Variants in LRP1B observed in about 807,000 individuals in gnomAD.
LRP1B encodes the protein low-density lipoprotein receptor-related protein 1B.
A neutral mutation model predicts 556.6 loss-of-function variants in LRP1B; 217 were observed. The observed-to-expected ratio is 0.39, with a 90% CI of 0.35 to 0.44. LRP1B has a LOEUF of 0.44. Ranked by LOEUF, LRP1B falls within the 20% of genes least tolerant of loss-of-function variation. The pLI is 1.00. For missense variants in LRP1B, 5,053 were observed against 5,620.8 expected (o/e 0.90, Z 3.23); for synonymous variants, 2,047 against 1,865.8 (o/e 1.10, Z -2.50).
intron 3 of LRP1B, among the ~76,000 whole-genome samples, chr2:141,265,248 G>A (rs892392793): frequency 2.6e-5 from 4 of 152,148 alleles, no homozygotes; most frequent in Non-Finnish European, 5.9e-5. Context: ...CACACCCAGG[G>A]TGCCCTCTAT....
chr2:141,191,450 A>C (rs572594284), intron 6 of LRP1B, among the ~76,000 whole-genome samples: 35 of 152,076 alleles, frequency 2.3e-4, no homozygotes, highest in Non-Finnish European at 4.4e-4. Flanking sequence ...AGTAAGACTA[A>C]CATAGACATA....
intron 37 of LRP1B, among the ~76,000 whole-genome samples, chr2:140,705,800 T>C (rs1449212276): frequency 6.6e-6 from 1 of 152,154 alleles, no homozygotes; most frequent in Non-Finnish European, 1.5e-5. Flanking sequence ...TATCATTATA[T>C]GTGAAGCCAA....
At position 141,276,546 on chromosome 2, in the gene LRP1B, GGTTT is replaced by G. The variant is rs372809455; in HGVS notation, c.344-21909_344-21906del. 7.0e-4 allele frequency among the ~76,000 whole-genome samples: 107 copies of G among 152,054 alleles called. 1 individual carries two copies. The South Asian group carries it at 0.019, about 28-fold the overall frequency. On this transcript the variant is annotated intron_variant, in intron 3 of 90. Transcript: ENST00000389484. The stretch of plus-strand genomic sequence containing the variant: ...CCCATTTACTAGTGAGAACACATGG[GGTTT>G]GTTTTTCTGTTCCTGCATTAGTTTG...
chr2:141,309,427 T>G (rs73962901), intron 3 of LRP1B, among the ~76,000 whole-genome samples: 3,345 of 152,280 alleles, frequency 0.022, 117 homozygotes, highest in African/African-American at 0.077. Context: ...GACCAAAAAT[T>G]CATATGTTGA....
intron 27 of LRP1B, among the ~76,000 whole-genome samples, chr2:140,854,996 T>G (rs1187549601): frequency 6.6e-6 from 1 of 152,118 alleles, no homozygotes; most frequent in Non-Finnish European, 1.5e-5. Flanking sequence ...GCAGACTGGG[T>G]TCACTGATAG....
chr2:142,003,854 T>C (rs1702728228), intron 1 of LRP1B, among the ~76,000 whole-genome samples: 2 of 152,228 alleles, frequency 1.3e-5, no homozygotes, highest in Admixed American at 1.3e-4. Context: ...GGCTCTGCTC[T>C]GGAGGTAGAA....
chr2:140,274,070 T>C (rs1682572390), intron 85 of LRP1B, among the ~76,000 whole-genome samples: 1 of 152,032 alleles, frequency 6.6e-6, no homozygotes, highest in African/African-American at 2.4e-5. Context: ...ATAACAATGA[T>C]GAAACAATTA....
intron 2 of LRP1B, among the ~76,000 whole-genome samples, chr2:141,483,635 A>C (rs898617333): frequency 1.3e-5 from 2 of 151,552 alleles, no homozygotes; most frequent in African/African-American, 4.9e-5. Context: ...TTGTTTCCTG[A>C]CTTTTCAATG....
intron 86 of LRP1B, among the ~76,000 whole-genome samples, chr2:140,269,621 G>C (rs1682368977): frequency 6.6e-6 from 1 of 151,908 alleles, no homozygotes; most frequent in Admixed American, 6.6e-5. Flanking sequence ...TCACAACAGT[G>C]ACCATGTAAT....
chr2:142,042,089 A>T lies in LRP1B; in HGVS notation c.82+88559T>A, dbSNP rs192267292. ...TTTTTCTGTAGTTTTGTCAATAGTT[A>T]GTTTCTCCTGCATAATGTGTGCTGT... On this transcript the variant is annotated intron_variant, in intron 1 of 90. Transcript: ENST00000389484. Among the ~76,000 whole-genome samples, 38 of 151,516 alleles carry T rather than the reference A, an allele frequency of 2.5e-4. No homozygotes were observed. The East Asian group carries it at 7.0e-3, about 28-fold the overall frequency.
At chr2:140,745,909 T>C (rs1421429553) in intron 35 of LRP1B, among the ~76,000 whole-genome samples, 1 of 152,140 alleles carries the variant, frequency 6.6e-6, no homozygotes. Context: ...AGAAACAATA[T>C]GGTAAGGCGG....
At position 141,894,209 on chromosome 2, in the gene LRP1B, G is replaced by A. The variant is rs571855611; in HGVS notation, c.83-83808C>T. 1.4e-4 allele frequency among the ~76,000 whole-genome samples: 22 copies of A among 152,130 alleles called. No homozygotes were observed. The South Asian group carries it at 2.7e-3, about 19-fold the overall frequency. ...AGTGCCACATTCATGAAGGCAATTC[G>A]TTAACAGATATTAGGATTTATGCCT... On this transcript the variant is annotated intron_variant, in intron 1 of 90. Transcript: ENST00000389484.
At chr2:141,996,888 T>TTG (rs1559011476) in intron 1 of LRP1B, among the ~76,000 whole-genome samples, 1 of 152,194 alleles carries the variant, frequency 6.6e-6, no homozygotes, top group Non-Finnish European at 1.5e-5. Flanking sequence ...CTTCAGCTCT[T>TTG]TGCTATCTTG....
intron 1 of LRP1B, among the ~76,000 whole-genome samples, chr2:141,907,032 C>A (rs1699777347): frequency 6.6e-6 from 1 of 151,902 alleles, no homozygotes; most frequent in Non-Finnish European, 1.5e-5. Flanking sequence ...GGGATGTGTG[C>A]AGTTCAACAG....
At chr2:141,992,221 C>T (rs748596942) in intron 1 of LRP1B, among the ~76,000 whole-genome samples, 1 of 152,076 alleles carries the variant, frequency 6.6e-6, no homozygotes, top group Non-Finnish European at 1.5e-5. Flanking sequence ...CCCACAGATA[C>T]AGAGAACTGG....
At chr2:141,223,439 T>G (rs936402084) in intron 6 of LRP1B, among the ~76,000 whole-genome samples, 2 of 152,204 alleles carry the variant, frequency 1.3e-5, no homozygotes, top group Admixed American at 6.5e-5. Context: ...ATCAATATTA[T>G]GAAAATGGCC....
At chr2:141,286,174 G>A (rs563080337) in intron 3 of LRP1B, among the ~76,000 whole-genome samples, 3 of 151,678 alleles carry the variant, frequency 2.0e-5, no homozygotes, top group Non-Finnish European at 4.4e-5. Context: ...ATCATCATGT[G>A]TTAAATTTTG....
At chr2:140,303,766 G>A (rs570678583) in intron 83 of LRP1B, among the ~76,000 whole-genome samples, 34 of 151,752 alleles carry the variant, frequency 2.2e-4, no homozygotes, top group Admixed American at 1.6e-3. Context: ...CCATTAACTC[G>A]TCATTTACAT....
intron 1 of LRP1B, among the ~76,000 whole-genome samples, chr2:142,079,141 C>G (rs1357818904): frequency 6.6e-6 from 1 of 152,030 alleles, no homozygotes; most frequent in Non-Finnish European, 1.5e-5. Flanking sequence ...GATGATATAG[C>G]CCTGAAAATG....
Sources: allele counts gnomAD v4.1 joint callset (sites outside exome capture counted in the v4.1 genomes callset), GRCh38; gene constraint gnomAD v4.1.1; transcripts MANE v1.5; gene names NCBI Gene and HGNC (gene_info 2026-07-23, HGNC 2026-07-21).